The following RTN1 variants were observed in gnomAD, a reference collection of about 807,000 sequenced individuals.
The protein encoded by RTN1 is reticulon 1.
RTN1 carries 25 observed loss-of-function variants against 65.5 expected under a neutral mutation model. The ratio of observed to expected loss-of-function variants is 0.38; its 90% CI spans 0.28 to 0.53. The LOEUF is 0.53. Ranked by LOEUF, RTN1 falls within the 20% of genes least tolerant of loss-of-function variation. The pLI, the probability that RTN1 is intolerant of heterozygous loss-of-function variation, is 0.79. For synonymous variants in RTN1, 471 were observed against 447.6 expected, an observed-to-expected ratio of 1.05 and a Z score of -0.66; for missense variants, 983 against 1,025.4, an observed-to-expected ratio of 0.96 and a Z score of 0.57.
intron 1 of RTN1, among the ~76,000 whole-genome samples, chr14:59,777,156 T>C (rs1886067178): frequency 6.6e-6 from 1 of 152,150 alleles, no homozygotes; most frequent in South Asian, 2.1e-4. Context: ...AGACTCTACC[T>C]TGTGCTGTCT....
intron 2 of RTN1, among the ~76,000 whole-genome samples, chr14:59,740,608 G>A (rs1027673791): frequency 3.9e-5 from 6 of 152,226 alleles, no homozygotes; most frequent in South Asian, 4.2e-4. Context: ...CTGCAGGGTC[G>A]GGGAGAAAAG....
intron 3 of RTN1, among the ~76,000 whole-genome samples, chr14:59,627,292 TGGA>T (rs1486812672): frequency 6.6e-6 from 1 of 152,164 alleles, no homozygotes; most frequent in Non-Finnish European, 1.5e-5. Context: ...CGGCAGAAGG[TGGA>T]GCAGTGGGAA....
At position 59,858,233 on chromosome 14, in the gene RTN1, G is replaced by A. The variant is rs192835329; in HGVS notation, c.241+12157C>T. Among the ~76,000 whole-genome samples the A allele has an allele frequency of 1.1e-4, 17 of 152,240 alleles. No homozygotes were observed. The East Asian group carries it at 2.3e-3, about 21-fold the overall frequency. On this transcript the variant is annotated intron_variant, in intron 1 of 8. Coordinates refer to ENST00000267484, the MANE Select transcript of RTN1 (RefSeq NM_021136.3). ...TGAGCAGGAAAGCCAATAAATCAGTGCTTCTTACAGCTTTAACATGCACCT... is the reference window on the plus strand; with the variant it reads ...TGAGCAGGAAAGCCAATAAATCAGTACTTCTTACAGCTTTAACATGCACCT...
intron 3 of RTN1, among the ~76,000 whole-genome samples, chr14:59,684,368 A>C (rs1480177572): frequency 1.3e-5 from 2 of 152,192 alleles, no homozygotes; most frequent in Non-Finnish European, 2.9e-5. Flanking sequence ...CATATTTTTC[A>C]AAAGTTATAA....
chr14:59,778,712 C>A (rs75784695), intron 1 of RTN1, among the ~76,000 whole-genome samples: 2,420 of 152,214 alleles, frequency 0.016, 61 homozygotes, highest in African/African-American at 0.056. Flanking sequence ...GGCAATGAAT[C>A]CTAAAATACA....
chr14:59,613,930 G>C (rs899487267), intron 3 of RTN1, among the ~76,000 whole-genome samples: 21 of 152,260 alleles, frequency 1.4e-4, no homozygotes, highest in Non-Finnish European at 2.4e-4. Flanking sequence ...AGTTTTGGGG[G>C]TATCAGAAAT....
chr14:59,856,134 T>C (rs1169989883), intron 1 of RTN1, among the ~76,000 whole-genome samples: 1 of 152,194 alleles, frequency 6.6e-6, no homozygotes, highest in Non-Finnish European at 1.5e-5. Flanking sequence ...ACAGGTCCCA[T>C]GATCTCTAGT....
At chr14:59,746,946 G>T (rs1379957889) in intron 1 of RTN1, among the ~76,000 whole-genome samples, 1 of 152,122 alleles carries the variant, frequency 6.6e-6, no homozygotes, top group African/African-American at 2.4e-5. Context: ...AAATTCAATG[G>T]CTGGGAGGAG....
At chr14:59,815,575 C>T (rs1292566469) in intron 1 of RTN1, among the ~76,000 whole-genome samples, 1 of 152,180 alleles carries the variant, frequency 6.6e-6, no homozygotes, top group African/African-American at 2.4e-5. Flanking sequence ...TGACCGAAAG[C>T]TCATTGCCTA....
At chr14:59,636,474 G>T (rs1434873816) in intron 3 of RTN1, among the ~76,000 whole-genome samples, 1 of 152,240 alleles carries the variant, frequency 6.6e-6, no homozygotes, top group East Asian at 1.9e-4. Context: ...TGGCATACTT[G>T]TACAGCCCGC....
In RTN1 at chr14:59,749,158, ATC is replaced by A. The variant is rs1566710941; in HGVS notation, c.242-2679_242-2678del. Among the ~76,000 whole-genome samples the A allele has an allele frequency of 6.0e-4, 45 of 75,290 alleles. 11 individuals carry two copies. Among genetic ancestry groups the A allele is most frequent in the African/African-American group, 3.1e-3 (40 of 12,980 alleles). The allele number at this position is 75,290 out of a possible 152,430, so 49.4% of individuals were successfully genotyped here. On this transcript the variant is annotated intron_variant, in intron 1 of 8. Coordinates refer to ENST00000267484, the MANE Select transcript of RTN1 (RefSeq NM_021136.3). The stretch of plus-strand genomic sequence containing the variant: ...TATATCTATCTATCTATCTATCTAT[ATC>A]TATCTATATATCTATCTATATATCT...
At chr14:59,811,760 T>C (rs537516969) in intron 1 of RTN1, among the ~76,000 whole-genome samples, 2 of 152,332 alleles carry the variant, frequency 1.3e-5, no homozygotes, top group African/African-American at 4.8e-5. Context: ...ATGTCTCCAC[T>C]TATGGTATTT....
rs1389488704 is a variant in RTN1 at position 59,727,384 on chromosome 14, A to G, written c.1300T>C (p.Phe434Leu). ...EDALPSGYVSFGHVGGPPPSP... is the reference protein window; with the variant it reads ...EDALPSGYVSLGHVGGPPPSP... ...GGCGGCGGGCCGCCCACGTGGCCAA[A>G]GCTCACATAGCCTGAGGGCAGCGCG... Residue 434 changes from phenylalanine (F) to leucine (L), a missense_variant, in exon 3 of 9, where the codon TTT (phenylalanine) becomes CTT (leucine). Around this residue, in one of 2 missense-constraint regions of RTN1, gnomAD observed 818 missense variants for 801.8 expected, o/e 1.02. Transcript: ENST00000267484. The surrounding 1 kb of genome is among the most constrained non-coding windows in gnomAD (Gnocchi z 4.2). The G allele has an allele frequency of 6.5e-7, 1 of 1,536,580 alleles. No homozygotes were observed.
Position 59,722,878 on chromosome 14 carries a change from G to A in RTN1, c.1765+4041C>T, listed in dbSNP as rs1197832565. ...AGTGGTGTGATCAAAGCTCACTGCA[G>A]GCCCGACCTCCTGGGCTCAAGTGAT... On this transcript the variant is annotated intron_variant, in intron 3 of 8. Transcript: ENST00000267484. 2.0e-5 allele frequency among the ~76,000 whole-genome samples: 3 copies of A among 151,318 alleles called. No individual in the cohort carries two copies. The East Asian group carries it at 5.9e-4, about 30-fold the overall frequency.
intron 1 of RTN1, among the ~76,000 whole-genome samples, chr14:59,838,909 T>C (rs1826361117): frequency 1.3e-5 from 2 of 152,222 alleles, no homozygotes; most frequent in South Asian, 4.1e-4. Flanking sequence ...TTGTCTCTTC[T>C]TGTTTTAAAT....
chr14:59,815,734 T>C (rs1886808787), intron 1 of RTN1, among the ~76,000 whole-genome samples: 2 of 152,118 alleles, frequency 1.3e-5, no homozygotes, highest in Non-Finnish European at 2.9e-5. Flanking sequence ...GAGAACTGAT[T>C]TCACACTCCT....
intron 2 of RTN1, among the ~76,000 whole-genome samples, chr14:59,744,926 C>A (rs1235937233): frequency 6.6e-6 from 1 of 152,096 alleles, no homozygotes; most frequent in Non-Finnish European, 1.5e-5. Context: ...TCTTAATACC[C>A]AATGTGGCAG....
intron 3 of RTN1, among the ~76,000 whole-genome samples, chr14:59,619,614 G>A (rs1050978981): frequency 2.6e-5 from 4 of 152,186 alleles, no homozygotes; most frequent in Admixed American, 2.6e-4. Flanking sequence ...CTGCAGCCAT[G>A]AGAGTGGAGG....
At chr14:59,723,885 C>T (rs114169733) in intron 3 of RTN1, among the ~76,000 whole-genome samples, 3,559 of 152,162 alleles carry the variant, frequency 0.023, 133 homozygotes, top group African/African-American at 0.081. Context: ...CAACAGGTGT[C>T]CCCCTGGAAT....
Sources: gnomAD v4.1 joint callset for allele counts (sites outside exome capture counted in the v4.1 genomes callset) on GRCh38, gnomAD v4.1.1 for gene constraint, gnomAD v4.1.1 regional missense constraint, Gnocchi (gnomAD v3.1) non-coding constraint, MANE v1.5 for transcripts, NCBI Gene and HGNC (gene_info 2026-07-23, HGNC 2026-07-21) for gene names.